Variants in AKAP9 observed in about 807,000 individuals in gnomAD.
The protein encoded by AKAP9 is A-kinase anchoring protein 9.
Under a neutral mutation model 488.5 loss-of-function variants are expected in AKAP9, and 311 were observed. That is an observed-to-expected ratio of 0.64 (90% confidence interval 0.58 to 0.70). The LOEUF is 0.70. Ranked by LOEUF, AKAP9 falls within the 30% of genes least tolerant of loss-of-function variation. The probability of loss-of-function intolerance (pLI) is 0.00; values close to 1 mark genes in which losing one functional copy is unlikely to be tolerated. For missense variants in AKAP9, 4,215 were observed against 4,374.5 expected, an observed-to-expected ratio of 0.96 and a Z score of 1.03; for synonymous variants, 1,462 against 1,483.5, an observed-to-expected ratio of 0.99 and a Z score of 0.33.
At chr7:91,966,262 A>G (rs1027222826) in intron 1 of AKAP9, among the ~76,000 whole-genome samples, 1 of 152,122 alleles carries the variant, frequency 6.6e-6, no homozygotes, top group African/African-American at 2.4e-5. Flanking sequence ...TCTTAGACAA[A>G]AAAAAACTTT....
In AKAP9 at chr7:92,084,901, A is replaced by C; in HGVS notation, c.8793A>C (p.Glu2931Asp). 1 of 1,613,596 alleles carries C rather than the reference A, an allele frequency of 6.2e-7. No individual in the cohort carries two copies. The highest frequency in any genetic ancestry group is 8.5e-7 in the Non-Finnish European group (1 of 1,179,670). Residue 2931 changes from glutamate (E) to aspartate (D), a missense_variant, in exon 35 of 50, where the codon GAA (glutamate) becomes GAC (aspartate). Physicochemically the swap from Glu to Asp is conservative, Grantham distance 45. Coordinates refer to ENST00000356239, the MANE Select transcript of AKAP9 (RefSeq NM_005751.5). ...FDIASEGRGE[E>D]SESATDSFPK... ...TAGCATCAGAAGGCCGAGGAGAAGAAAGTGAAAGTGCAACAGATTCCTTTC... is the reference window on the plus strand; with the variant it reads ...TAGCATCAGAAGGCCGAGGAGAAGACAGTGAAAGTGCAACAGATTCCTTTC...
chr7:92,018,433 CACACACACAG>C (rs779413853), intron 12 of AKAP9, among the ~76,000 whole-genome samples: 3,926 of 139,072 alleles, frequency 0.028, 77 homozygotes, highest in African/African-American at 0.05. Context: ...CACACACACA[CACACACACAG>C]AGAAATATTC....
intron 1 of AKAP9, among the ~76,000 whole-genome samples, chr7:91,943,207 A>C (rs1791017121): frequency 6.6e-6 from 1 of 152,040 alleles, no homozygotes; most frequent in Non-Finnish European, 1.5e-5. Flanking sequence ...TCAGAAAACA[A>C]ACAAACAAAA....
rs984878422 is a variant in AKAP9 at position 92,084,509 on chromosome 7, A to T, written c.8647-131A>T. On this transcript the variant is annotated intron_variant, in intron 33 of 49. Coordinates refer to ENST00000356239, the MANE Select transcript of AKAP9 (RefSeq NM_005751.5). ...AGACTTGTTAAAAAAAAAAACCATG[A>T]ATAATTTCATTTATTATGAAAGGTG... 1.7e-5 allele frequency: 11 copies of T among 653,596 alleles called. No homozygotes were observed. In the East Asian group the frequency reaches 3.2e-4, roughly 19 times the overall value. 40.5% of individuals were successfully genotyped at this position (653,596 alleles called of 1,614,324 possible).
chr7:92,084,641 G>A lies in AKAP9; in HGVS notation c.8648G>A (p.Gly2883Glu). The A allele has an allele frequency of 6.2e-7, 1 of 1,605,248 alleles. No homozygotes were observed. The highest frequency in any genetic ancestry group is 8.5e-7 in the Non-Finnish European group (1 of 1,172,976). Reference sequence around the variant, plus strand: ...GTACTTTTTGTTTTCTCTAATTAGGGATCCTCAATTCCTGAGCTAGCACAT... The same window carrying A: ...GTACTTTTTGTTTTCTCTAATTAGGAATCCTCAATTCCTGAGCTAGCACAT... The part of the protein sequence containing the change: ...AVIQCLRSKE[G>E]SSIPELAHSD... Residue 2883 changes from glycine to glutamate, a missense_variant and splice_region_variant, in exon 34 of 50, where the codon GGA becomes GAA. By Grantham distance (98) the Gly-to-Glu change is moderately conservative (BLOSUM62 -2). Coordinates refer to ENST00000356239, the MANE Select transcript of AKAP9 (RefSeq NM_005751.5).
intron 21 of AKAP9, among the ~76,000 whole-genome samples, chr7:92,050,385 G>A (rs1009770205): frequency 6.6e-6 from 1 of 151,960 alleles, no homozygotes; most frequent in African/African-American, 2.4e-5. Context: ...ATGAGCCACC[G>A]TGCCCAGCTG....
intron 12 of AKAP9, among the ~76,000 whole-genome samples, chr7:92,018,115 G>A (rs1030078806): frequency 3.3e-5 from 5 of 152,194 alleles, no homozygotes; most frequent in Non-Finnish European, 7.3e-5. Context: ...CAAAAGGAGC[G>A]GCGGCTGCCC....
At chr7:92,030,359 G>A (rs1223676779) in intron 15 of AKAP9, among the ~76,000 whole-genome samples, 1 of 152,080 alleles carries the variant, frequency 6.6e-6, no homozygotes, top group East Asian at 1.9e-4. Flanking sequence ...AAAGTGTTTA[G>A]GGGCCAGGTG....
intron 2 of AKAP9, among the ~76,000 whole-genome samples, chr7:91,978,304 A>G (rs959020818): frequency 2.6e-5 from 4 of 151,604 alleles, no homozygotes; most frequent in African/African-American, 9.7e-5. Context: ...AGGATTTTAG[A>G]TTACAGGCAA....
intron 16 of AKAP9, among the ~76,000 whole-genome samples, chr7:92,035,007 C>T (rs1167647385): frequency 6.6e-6 from 1 of 152,112 alleles, no homozygotes; most frequent in Non-Finnish European, 1.5e-5. Flanking sequence ...GTGCTTTGGA[C>T]TTAATTTGCT....
intron 1 of AKAP9, among the ~76,000 whole-genome samples, chr7:91,961,950 G>C (rs1793784334): frequency 6.6e-6 from 1 of 151,886 alleles, no homozygotes; most frequent in Non-Finnish European, 1.5e-5. Flanking sequence ...AACCAGTTTT[G>C]AAAGGCAATT....
intron 28 of AKAP9, 40 bp downstream of exon 28, chr7:92,071,049 T>A (rs1348778033): frequency 6.7e-7 from 1 of 1,490,422 alleles, no homozygotes; most frequent in Admixed American, 1.7e-5. Flanking sequence ...GTGGTTTGAA[T>A]TATTTTAAAT....
At chr7:92,088,910 G>C (rs1815056520) in intron 37 of AKAP9, among the ~76,000 whole-genome samples, 1 of 152,088 alleles carries the variant, frequency 6.6e-6, no homozygotes, top group African/African-American at 2.4e-5. Context: ...GGAAAAGCTG[G>C]CTAACAGATA....
intron 14 of AKAP9, among the ~76,000 whole-genome samples, chr7:92,025,288 G>T (rs1802935797): frequency 6.6e-6 from 1 of 152,160 alleles, no homozygotes; most frequent in African/African-American, 2.4e-5. Context: ...TGTTATTCCT[G>T]CATTTGGGCT....
At position 92,002,548 on chromosome 7, in the gene AKAP9, T is replaced by C. The variant is rs573052213; in HGVS notation, c.2631T>C (p.Asp877=). ...EYACLLKVKD[D]LEDSKNKQEL... The stretch of plus-strand genomic sequence containing the variant: ...CTTGCCTTCTCAAAGTAAAAGATGA[T>C]TTAGAAGACAGTAAAAATAAACAGG... The change falls in exon 8 of 50, where the codon GAT becomes GAC. Residue 877 remains aspartate (D), a synonymous_variant. Coordinates refer to ENST00000356239, the MANE Select transcript of AKAP9 (RefSeq NM_005751.5). 2 of 1,610,012 alleles carry C rather than the reference T, an allele frequency of 1.2e-6. No individual in the cohort carries two copies. Among genetic ancestry groups the C allele is most frequent in the African/African-American group, 2.7e-5 (2 of 74,812 alleles).
At chr7:92,044,637 T>G (rs1806659959) in intron 20 of AKAP9, among the ~76,000 whole-genome samples, 1 of 152,218 alleles carries the variant, frequency 6.6e-6, no homozygotes, top group South Asian at 2.1e-4. Context: ...CTCAATAACT[T>G]GCATATGCTT....
At chr7:91,972,050 T>C (rs1795170091) in intron 1 of AKAP9, among the ~76,000 whole-genome samples, 1 of 147,532 alleles carries the variant, frequency 6.8e-6, no homozygotes, top group South Asian at 2.2e-4. Flanking sequence ...ATAATGTATA[T>C]GATGTCTTTA....
intron 12 of AKAP9, among the ~76,000 whole-genome samples, chr7:92,020,793 T>C (rs1019837276): frequency 6.6e-6 from 1 of 152,214 alleles, no homozygotes; most frequent in Admixed American, 6.5e-5. Context: ...TTATTTTCCC[T>C]GGGAACTAAG....
intron 46 of AKAP9, 48 bp downstream of exon 46, chr7:92,102,874 G>T: frequency 6.7e-7 from 1 of 1,485,440 alleles, no homozygotes; most frequent in Non-Finnish European, 9.4e-7. Flanking sequence ...TCTCTAAAAG[G>T]ATTAGTTATT....
Sources: allele counts gnomAD v4.1 joint callset (sites outside exome capture counted in the v4.1 genomes callset), GRCh38; gene constraint gnomAD v4.1.1; transcripts MANE v1.5; gene names NCBI Gene and HGNC (gene_info 2026-07-23, HGNC 2026-07-21).